The following DPY19L3 variants were observed in gnomAD, a reference collection of about 807,000 sequenced individuals.
DPY19L3 encodes dpy-19 like C-mannosyltransferase 3.
Under a neutral mutation model 92.3 loss-of-function variants are expected in DPY19L3, and 51 were observed. The observed-to-expected ratio is 0.55, with a 90% CI of 0.44 to 0.70. DPY19L3 has a LOEUF of 0.70. Among genes scored for constraint, DPY19L3 ranks in the 30% least tolerant of loss-of-function variants. DPY19L3 has a pLI of 0.00. For synonymous variants in DPY19L3, 309 were observed against 315.2 expected (o/e 0.98, Z 0.21); for missense variants, 706 against 855.9 (o/e 0.82, Z 2.18).
rs771144197 is a variant in DPY19L3 at position 32,436,491 on chromosome 19, C to T, written c.374C>T (p.Thr125Ile). 3 of 1,574,616 alleles carry T rather than the reference C, an allele frequency of 1.9e-6. No homozygotes were observed. The highest frequency in any genetic ancestry group is 2.6e-6 in the Non-Finnish European group (3 of 1,149,874). ...IYDNKTESMKTINLLQRMNIY... is the reference protein window; with the variant it reads ...IYDNKTESMKIINLLQRMNIY... ...GATAATAAAACTGAATCTATGAAGA[C>T]AATTAACCTCCTTCAGCGAATGAAT... Residue 125 changes from threonine (T) to isoleucine (I), a missense_variant, in exon 5 of 19, where the codon ACA becomes ATA. By Grantham distance (89) the Thr-to-Ile change is moderately conservative. Coordinates refer to ENST00000392250, the MANE Select transcript of DPY19L3 (RefSeq NM_001172774.2).
chr19:32,415,866 C>T (rs903070299), intron 3 of DPY19L3, among the ~76,000 whole-genome samples: 8 of 152,070 alleles, frequency 5.3e-5, no homozygotes, highest in Non-Finnish European at 1.0e-4. Flanking sequence ...GAAAGTCACA[C>T]GGGATGATGA....
At chr19:32,427,264 G>T (rs1968797441) in intron 3 of DPY19L3, among the ~76,000 whole-genome samples, 1 of 152,070 alleles carries the variant, frequency 6.6e-6, no homozygotes, top group Admixed American at 6.6e-5. Flanking sequence ...TAAAGTGCTG[G>T]GGTTATAAGC....
At chr19:32,458,873 G>A (rs1399772667) in intron 12 of DPY19L3, among the ~76,000 whole-genome samples, 4 of 152,156 alleles carry the variant, frequency 2.6e-5, no homozygotes, top group African/African-American at 9.7e-5. Flanking sequence ...ACTTAAAATA[G>A]TGTCTGGTGC....
At chr19:32,409,454 C>G (rs1173312730) in intron 2 of DPY19L3, among the ~76,000 whole-genome samples, 3 of 152,222 alleles carry the variant, frequency 2.0e-5, no homozygotes, top group African/African-American at 7.2e-5. Flanking sequence ...TTTGCTAATA[C>G]AGACAGAACT....
chr19:32,479,968 C>T (rs1366139819), intron 17 of DPY19L3, among the ~76,000 whole-genome samples: 2 of 152,230 alleles, frequency 1.3e-5, no homozygotes, highest in African/African-American at 2.4e-5. Flanking sequence ...GAAGCTGGGG[C>T]TCTGCCTTAT....
intron 3 of DPY19L3, among the ~76,000 whole-genome samples, chr19:32,424,529 G>A (rs1475526957): frequency 6.6e-6 from 1 of 151,766 alleles, no homozygotes; most frequent in Admixed American, 6.6e-5. Context: ...GCTTGAGAGG[G>A]TGCAATGGGA....
In DPY19L3 at chr19:32,425,820, A is replaced by G. The variant is rs575607217; in HGVS notation, c.238-6896A>G. ...AGTGCACAAGCAGAGTAGATTTCAC[A>G]TCATTCTTAATAAGGACCCTAGGAT... is the stretch of plus-strand genomic sequence containing the variant. On this transcript the variant is annotated intron_variant, in intron 3 of 18. Transcript: ENST00000392250. Among the ~76,000 whole-genome samples the G allele has an allele frequency of 2.0e-3, 309 of 152,284 alleles. 1 individual carries two copies. Among genetic ancestry groups the G allele is most frequent in the Non-Finnish European group, 3.3e-3 (227 of 68,032 alleles).
intron 3 of DPY19L3, among the ~76,000 whole-genome samples, chr19:32,419,836 A>G (rs1355850983): frequency 6.6e-6 from 1 of 151,922 alleles, no homozygotes; most frequent in Non-Finnish European, 1.5e-5. Context: ...TGTAAACAAA[A>G]AGTAAAAGGC....
Position 32,411,352 on chromosome 19 carries a change from T to G in DPY19L3, c.217T>G (p.Leu73Val). 6.2e-7 allele frequency: 1 copy of G among 1,614,080 alleles called. No homozygotes were observed. Among genetic ancestry groups the G allele is most frequent in the Non-Finnish European group, 8.5e-7 (1 of 1,180,000 alleles). The change falls in exon 3 of 19, where the codon TTA becomes GTA. Residue 73 changes from leucine (L) to valine (V), a missense_variant. Leu to Val is a conservative substitution (Grantham distance 32, BLOSUM62 1). Coordinates refer to ENST00000392250, the MANE Select transcript of DPY19L3 (RefSeq NM_001172774.2). ...CCTTGCCACGTTACATGAAAATGAT[T>G]TATGGTTTTCTAATATTAAGGTATG... ...VYLATLHEND[L>V]WFSNIKEVER...
In DPY19L3 at chr19:32,439,895, G is replaced by A. The variant is rs796176197; in HGVS notation, c.840G>A (p.Met280Ile). The A allele has an allele frequency of 2.2e-5, 35 of 1,612,604 alleles. No individual in the cohort carries two copies. Among genetic ancestry groups the A allele is most frequent in the Non-Finnish European group, 2.9e-5 (34 of 1,179,486 alleles). ...LVLFTLDSLD[M>I]LPAVKATWLY... ...TGTTCACACTGGACTCCCTGGACAT[G>A]CTGCCAGCAGTGAAGGTGAGCTTTG... Residue 280 changes from methionine (M) to isoleucine (I), a missense_variant, in exon 8 of 19, where the codon ATG (methionine) becomes ATA (isoleucine). Physicochemically the swap from Met to Ile is conservative, Grantham distance 10. Coordinates refer to ENST00000392250, the MANE Select transcript of DPY19L3 (RefSeq NM_001172774.2).
rs1395037243 is a variant in DPY19L3, at chr19:32,458,608, A to G, written c.1322+99A>G. 4.1e-6 allele frequency: 5 copies of G among 1,233,164 alleles called. No homozygotes were observed. In the South Asian group the frequency reaches 5.8e-5, roughly 14 times the overall value. 76.4% of individuals were successfully genotyped at this position (1,233,164 alleles called of 1,614,324 possible). A position where few individuals can be genotyped will look rare whatever the true frequency, so the allele number is the denominator to read the frequency against. The stretch of plus-strand genomic sequence containing the variant: ...GAAAGTCAGAATATCAGACACAAGT[A>G]ATAGTATTCATCTTAAAGGGGGAAC... On this transcript the variant is annotated intron_variant, in intron 12 of 18. Coordinates refer to ENST00000392250, the MANE Select transcript of DPY19L3 (RefSeq NM_001172774.2).
intron 3 of DPY19L3, among the ~76,000 whole-genome samples, chr19:32,420,960 T>C (rs1444532346): frequency 6.6e-6 from 1 of 152,232 alleles, no homozygotes; most frequent in East Asian, 1.9e-4. Context: ...ATTTTACTTA[T>C]TTATGACCCC....
At chr19:32,475,078 T>C (rs977160534) in intron 16 of DPY19L3, among the ~76,000 whole-genome samples, 1 of 152,226 alleles carries the variant, frequency 6.6e-6, no homozygotes, top group African/African-American at 2.4e-5. Flanking sequence ...GGAGGCAGGC[T>C]GAAACCTTAA....
intron 4 of DPY19L3, 107 bp downstream of exon 4, chr19:32,432,913 T>C: frequency 2.4e-6 from 2 of 845,236 alleles, no homozygotes; most frequent in Non-Finnish European, 3.7e-6. Flanking sequence ...AGAACATGTG[T>C]ATTTTTCCGT....
intron 12 of DPY19L3, among the ~76,000 whole-genome samples, chr19:32,460,980 C>T (rs1970023614): frequency 6.6e-6 from 1 of 152,206 alleles, no homozygotes; most frequent in African/African-American, 2.4e-5. Flanking sequence ...ATTCTCCTGC[C>T]TCAGCCTCCT....
Position 32,453,224 on chromosome 19 carries a change from G to C in DPY19L3, c.935G>C (p.Gly312Ala). The change falls in exon 9 of 19, where the codon GGA (glycine) becomes GCA (alanine). Residue 312 changes from glycine to alanine, a missense_variant. Transcript: ENST00000392250. The part of the protein sequence containing the change: ...ILQFFNSMIL[G>A]SLLISFNLSV... ...CAGTTTTTTAATTCCATGATTCTTG[G>C]ATCACTGCTTATCAGTTTTAACCTT... 1.2e-6 allele frequency: 2 copies of C among 1,613,964 alleles called. No individual in the cohort carries two copies. The highest frequency in any genetic ancestry group is 1.7e-6 in the Non-Finnish European group (2 of 1,179,968).
chr19:32,424,128 GC>G lies in DPY19L3; in HGVS notation c.238-8587del, dbSNP rs1968674738. 2.0e-5 allele frequency among the ~76,000 whole-genome samples: 3 copies of G among 152,018 alleles called. No homozygotes were observed. In the South Asian group the frequency reaches 6.2e-4, roughly 31 times the overall value. ...GCCCAGAAGTTCAAGACCAGCCTGGGCAACATAGTGAGATCCCATCTCTACA... is the reference window on the plus strand; with the variant it reads ...GCCCAGAAGTTCAAGACCAGCCTGGGAACATAGTGAGATCCCATCTCTACA... On this transcript the variant is annotated intron_variant, in intron 3 of 18. Coordinates refer to ENST00000392250, the MANE Select transcript of DPY19L3 (RefSeq NM_001172774.2).
chr19:32,442,458 T>C (rs1214868139), intron 8 of DPY19L3, among the ~76,000 whole-genome samples: 1 of 152,160 alleles, frequency 6.6e-6, no homozygotes, highest in Non-Finnish European at 1.5e-5. Flanking sequence ...GTAGAGACAT[T>C]TCTCCCCGTT....
At chr19:32,468,672 TG>T in intron 15 of DPY19L3, 58 bp from the exon 16 acceptor site, 5 of 1,590,482 alleles carry the variant, frequency 3.1e-6, no homozygotes, top group South Asian at 1.1e-5. Context: ...TTAATCTTAG[TG>T]ATAGTTGTGG....
Sources: allele counts gnomAD v4.1 joint callset (sites outside exome capture counted in the v4.1 genomes callset), GRCh38; gene constraint gnomAD v4.1.1; transcripts MANE v1.5; gene names NCBI Gene and HGNC (gene_info 2026-07-23, HGNC 2026-07-21).